The following GLIS2 variants were observed in gnomAD, a reference collection of about 807,000 sequenced individuals.
GLIS2 encodes zinc finger protein GLIS2.
GLIS2 carries 14 observed loss-of-function variants against 35.6 expected under a neutral mutation model. That is an observed-to-expected ratio of 0.39 (90% CI 0.26 to 0.61). The LOEUF (loss-of-function observed/expected upper bound fraction) is 0.61. GLIS2 is among the 20% of genes least tolerant of loss of function. The pLI is 0.48. For synonymous variants in GLIS2, 368 were observed against 325.1 expected (o/e 1.13, Z -1.42); for missense variants, 675 against 713.4 (o/e 0.95, Z 0.61).
Position 4,331,866 on chromosome 16 carries a change from T to C in GLIS2, c.-66-349T>C. 1.0e-5 allele frequency: 3 copies of C among 288,814 alleles called. No homozygotes were observed. The East Asian group carries it at 2.6e-4, about 25-fold the overall frequency. The allele number at this position is 288,814 out of a possible 1,614,324, so 17.9% of individuals were successfully genotyped here. A position where few individuals can be genotyped will look rare whatever the true frequency, so the allele number is the denominator to read the frequency against. On this transcript the variant is annotated intron_variant, in intron 1 of 6. Coordinates refer to ENST00000433375, the MANE Select transcript of GLIS2 (RefSeq NM_032575.3). Reference sequence around the variant, plus strand: ...AGGGAGGCTGAGGTGGGAGGATCGCTTGAGCCTAGGAGGTCGAGGCTGCAG... The same window carrying C: ...AGGGAGGCTGAGGTGGGAGGATCGCCTGAGCCTAGGAGGTCGAGGCTGCAG...
chr16:4,337,114 GGTGGGGGCA>G lies in GLIS2; in HGVS notation c.1173_1181del (p.Ser392_Gly394del), dbSNP rs1567224940. On this transcript the variant is annotated inframe_deletion, in exon 7 of 7. Transcript: ENST00000433375. ...CCTCAGTGCCCTGGCCTGTGGCAAC[GGTGGGGGCA>G]GTGGGGGTGGGGGGGGCATGGGCCC... 6.5e-7 allele frequency: 1 copy of G among 1,536,254 alleles called. No homozygotes were observed. The highest frequency in any genetic ancestry group is 8.7e-7 in the Non-Finnish European group (1 of 1,146,492).
Position 4,333,272 on chromosome 16 carries a change from G to A in GLIS2, c.173-75G>A, listed in dbSNP as rs2053516318. 6 of 1,549,772 alleles carry A rather than the reference G, an allele frequency of 3.9e-6. No individual in the cohort carries two copies. The East Asian group carries it at 9.1e-5, about 24-fold the overall frequency. On this transcript the variant is annotated intron_variant, in intron 2 of 6. Transcript: ENST00000433375. ...GTGTCTGCTCCCAAGGTCACAGTGG[G>A]GGTTCGGAGGCAGGAGTACCTGGCC...
chr16:4,333,369 C>A lies in GLIS2; in HGVS notation c.195C>A (p.Phe65Leu), dbSNP rs145990457. 8 of 1,613,080 alleles carry A rather than the reference C, an allele frequency of 5.0e-6. No homozygotes were observed. The highest frequency in any genetic ancestry group is 6.8e-6 in the Non-Finnish European group (8 of 1,180,006). The change falls in exon 3 of 7, where the codon TTC becomes TTA. Residue 65 changes from phenylalanine (F) to leucine (L), a missense_variant. Around this residue, in one of 3 missense-constraint regions of GLIS2, gnomAD observed 225 missense variants for 238.7 expected, o/e 0.94. Coordinates refer to ENST00000433375, the MANE Select transcript of GLIS2 (RefSeq NM_032575.3). Reference protein sequence around the residue: ...PPSGFLLNSKFPEKVEGRFSA... With the variant: ...PPSGFLLNSKLPEKVEGRFSA... ...CAGGCTTCCTGCTGAACTCCAAGTTCCCCGAGAAGGTGGAGGGACGCTTTT... is the reference window on the plus strand; with the variant it reads ...CAGGCTTCCTGCTGAACTCCAAGTTACCCGAGAAGGTGGAGGGACGCTTTT...
rs763453359 is a variant in GLIS2, at chr16:4,333,430, C to A, written c.256C>A (p.Pro86Thr). Residue 86 changes from proline (P) to threonine (T), a missense_variant, in exon 3 of 7, where the codon CCA (proline) becomes ACA (threonine). This residue lies in a region of GLIS2 where 225 missense variants were observed against 238.7 expected (regional missense o/e 0.94). Transcript: ENST00000433375. ...TCTCGTGGACCTCAGCCTGTCACCA[C>A]CATCTGGGCTGGACTCCCCCAATGG... ...APLVDLSLSP[P>T]SGLDSPNGSS... is the part of the protein sequence containing the mutation. The A allele has an allele frequency of 1.2e-6, 2 of 1,613,066 alleles. No homozygotes were observed. Among genetic ancestry groups the A allele is most frequent in the Non-Finnish European group, 1.7e-6 (2 of 1,180,018 alleles).
At chr16:4,321,866 C>T (rs1350150039) in intron 1 of GLIS2, among the ~76,000 whole-genome samples, 1 of 152,144 alleles carries the variant, frequency 6.6e-6, no homozygotes, top group African/African-American at 2.4e-5. Flanking sequence ...ACGCTGTGCA[C>T]AGGTGACACT....
rs1185333814 is a variant in GLIS2, at chr16:4,338,271, C to G, written c.*747C>G. ...TGGGGCACCCTGGGAGCGTGGGAAG[C>G]AGGTCCGAGGGCCCCTGAGCTGGCA... On this transcript the variant is annotated 3_prime_UTR_variant, in exon 7 of 7. Coordinates refer to ENST00000433375, the MANE Select transcript of GLIS2 (RefSeq NM_032575.3). The G allele has an allele frequency of 2.0e-5, 3 of 152,614 alleles. No homozygotes were observed. The highest frequency in any genetic ancestry group is 7.2e-5 in the African/African-American group (3 of 41,452). The allele number at this position is 152,614 out of a possible 1,614,324, so 9.5% of individuals were successfully genotyped here.
chr16:4,331,600 G>A (rs139252412), intron 1 of GLIS2: 2 of 154,740 alleles, frequency 1.3e-5, no homozygotes, highest in East Asian at 3.8e-4. Flanking sequence ...TGGCAAATCT[G>A]ATAGTTTTTC....
intron 1 of GLIS2, among the ~76,000 whole-genome samples, chr16:4,322,852 G>A (rs1029115917): frequency 2.0e-4 from 30 of 152,314 alleles, no homozygotes; most frequent in African/African-American, 7.2e-4. Context: ...CGTGGGCCAC[G>A]GGCCTGCCCC....
chr16:4,325,750 AG>A (rs1323269536), intron 1 of GLIS2, among the ~76,000 whole-genome samples: 1 of 129,488 alleles, frequency 7.7e-6, no homozygotes, highest in Non-Finnish European at 1.5e-5. Flanking sequence ...TGACACAGGG[AG>A]ACCCCCCCAT....
In GLIS2 at chr16:4,334,876, G is replaced by A. The variant is rs753943924; in HGVS notation, c.421G>A (p.Ala141Thr). The change falls in exon 4 of 7, where the codon GCC becomes ACC. Residue 141 changes from alanine to threonine, a missense_variant. By Grantham distance (58) the Ala-to-Thr change is moderately conservative (BLOSUM62 0). Coordinates refer to ENST00000433375, the MANE Select transcript of GLIS2 (RefSeq NM_032575.3). ...QFFLPLGSGGALHLPASSFLT... is the reference protein window; with the variant it reads ...QFFLPLGSGGTLHLPASSFLT... ...CTTCCTGCCCCTCGGCTCCGGGGGG[G>A]CCCTGCACCTGCCTGCCTCCTCCTT... 11 of 1,613,018 alleles carry A rather than the reference G, an allele frequency of 6.8e-6. No individual in the cohort carries two copies. The highest frequency in any genetic ancestry group is 5.5e-5 in the South Asian group (5 of 91,070).
At chr16:4,330,202 G>A (rs556413739) in intron 1 of GLIS2, among the ~76,000 whole-genome samples, 91 of 152,220 alleles carry the variant, frequency 6.0e-4, no homozygotes, top group Non-Finnish European at 6.0e-4. Context: ...GCTTGAACTC[G>A]GGAGGCAGAG....
chr16:4,335,533 C>A lies in GLIS2; in HGVS notation c.775+140C>A, dbSNP rs1376196995. 17 of 764,784 alleles carry A rather than the reference C, an allele frequency of 2.2e-5. No homozygotes were observed. The highest frequency in any genetic ancestry group is 3.4e-5 in the Non-Finnish European group (16 of 464,500). 47.4% of individuals were successfully genotyped at this position (764,784 alleles called of 1,614,324 possible). ...GGGTTGATGTCATCGCCCAGGGGTC[C>A]CTTTTCCAATGCAGTTTGCTAGGGG... is the stretch of plus-strand genomic sequence containing the variant. On this transcript the variant is annotated intron_variant, in intron 6 of 6. Coordinates refer to ENST00000433375, the MANE Select transcript of GLIS2 (RefSeq NM_032575.3). This position sits in a 1 kb window ranked among gnomAD's most constrained non-coding sequence, Gnocchi z 4.6.
chr16:4,338,031 T>C lies in GLIS2; in HGVS notation c.*507T>C. 1 of 196,224 alleles carries C rather than the reference T, an allele frequency of 5.1e-6. No individual in the cohort carries two copies. 12.2% of individuals were successfully genotyped at this position (196,224 alleles called of 1,614,324 possible). A position where few individuals can be genotyped will look rare whatever the true frequency, so the allele number is the denominator to read the frequency against. On this transcript the variant is annotated 3_prime_UTR_variant, in exon 7 of 7. Transcript: ENST00000433375. ...GCCCTGGGGGCTCCTTGGACCCCTT[T>C]CCCTCTGACCCTGCCTCCAGAGGGA...
chr16:4,332,162 CGAG>C lies in GLIS2; in HGVS notation c.-66-49_-66-47del. On this transcript the variant is annotated intron_variant, in intron 1 of 6. Coordinates refer to ENST00000433375, the MANE Select transcript of GLIS2 (RefSeq NM_032575.3). The surrounding 1 kb of genome is among the most constrained non-coding windows in gnomAD (Gnocchi z 5.4). ...CTGTTAGACTGTCATGAGTACAGCC[CGAG>C]GAGAAGCCTGGGGTCTCAGTGCCAC... 7.9e-7 allele frequency: 1 copy of C among 1,258,000 alleles called. No individual in the cohort carries two copies. The highest frequency in any genetic ancestry group is 1.1e-6 in the Non-Finnish European group (1 of 892,340). 77.9% of individuals were successfully genotyped at this position (1,258,000 alleles called of 1,614,324 possible).
In GLIS2 at chr16:4,318,288, G is replaced by A. The variant is rs143670020; in HGVS notation, c.-67+2034G>A. Among the ~76,000 whole-genome samples the A allele has an allele frequency of 5.6e-3, 847 of 152,216 alleles. 11 individuals are homozygous for A. Among genetic ancestry groups the A allele is most frequent in the African/African-American group, 0.019 (795 of 41,522 alleles). On this transcript the variant is annotated intron_variant, in intron 1 of 6. Coordinates refer to ENST00000433375, the MANE Select transcript of GLIS2 (RefSeq NM_032575.3). ...TTGGGTCAGACTCCTCCCCTCTCCC[G>A]GCCTTGTCTATGAAACCAAGGGGTC...
chr16:4,333,125 C>A (rs1260154278), intron 2 of GLIS2, among the ~76,000 whole-genome samples: 3 of 152,198 alleles, frequency 2.0e-5, no homozygotes, highest in African/African-American at 4.8e-5. Context: ...CACTTCCCCC[C>A]TCCCCGGCTC....
At chr16:4,329,137 G>C (rs1042685588) in intron 1 of GLIS2, 7 of 152,182 alleles carry the variant, frequency 4.6e-5, no homozygotes, top group Non-Finnish European at 2.9e-5. Context: ...GCTTCGGGGA[G>C]GCTGGATTGC....
upstream of GLIS2, chr16:4,315,284 G>T (rs1045531745): frequency 6.6e-6 from 1 of 152,240 alleles, no homozygotes; most frequent in Admixed American, 6.5e-5. Context: ...GAGGGGTTGC[G>T]CCGGGCCCCG....
At chr16:4,317,625 CCCAGGCTGGGCCTCCTAGCTGGCCTGG>C (rs1374300291) in intron 1 of GLIS2, among the ~76,000 whole-genome samples, 10 of 152,196 alleles carry the variant, frequency 6.6e-5, no homozygotes, top group African/African-American at 1.7e-4. Flanking sequence ...CTCCCCAGAG[CCCAGGCTGGGCCTCCTAGCTGGCCTGG>C]CCTGCACAGG....
Sources: allele counts gnomAD v4.1 joint callset (sites outside exome capture counted in the v4.1 genomes callset), GRCh38; gene constraint gnomAD v4.1.1; regional missense constraint gnomAD v4.1.1; non-coding constraint Gnocchi (gnomAD v3.1); transcripts MANE v1.5; gene names NCBI Gene and HGNC (gene_info 2026-07-23, HGNC 2026-07-21).